The following PDZRN3 variants were observed in gnomAD, a reference collection of about 807,000 sequenced individuals.
The protein encoded by PDZRN3 is PDZ domain containing ring finger 3.
PDZRN3 carries 38 observed loss-of-function variants against 85.7 expected under a neutral mutation model. That is an observed-to-expected ratio of 0.44 (90% CI 0.34 to 0.58). The LOEUF is 0.58. PDZRN3 is among the 20% of genes least tolerant of loss of function. The probability of loss-of-function intolerance (pLI) is 0.01; values close to 1 mark genes in which losing one functional copy is unlikely to be tolerated. For missense variants in PDZRN3, 1,629 were observed against 1,506.4 expected (o/e 1.08, Z -1.35); for synonymous variants, 759 against 638.0 (o/e 1.19, Z -2.86).
In PDZRN3 at chr3:73,415,936, C is replaced by A. The variant is rs188269896; in HGVS notation, c.919-11541G>T. ...AACTATGGCTAATAATAGTGTGTCA[C>A]ATACTGGACATTTGCCAAGAGAGTA... On this transcript the variant is annotated intron_variant, in intron 3 of 9. Coordinates refer to ENST00000263666, the MANE Select transcript of PDZRN3 (RefSeq NM_015009.3). Among the ~76,000 whole-genome samples, 12 of 137,408 alleles carry A rather than the reference C, an allele frequency of 8.7e-5. No individual in the cohort carries two copies. In the Admixed American group the frequency reaches 9.3e-4, roughly 11 times the overall value. 90.1% of individuals were successfully genotyped at this position (137,408 alleles called of 152,430 possible). A position where few individuals can be genotyped will look rare whatever the true frequency, so the allele number is the denominator to read the frequency against.
At position 73,596,820 on chromosome 3, in the gene PDZRN3, T is replaced by C. The variant is rs374493991; in HGVS notation, c.918+5534A>G. ...TTTTATTTTGCTATAAAGGGCATCA[T>C]AGGGACCATTAGCAAGATCAGAATA... is the stretch of plus-strand genomic sequence containing the variant. On this transcript the variant is annotated intron_variant, in intron 3 of 9. Transcript: ENST00000263666. Among the ~76,000 whole-genome samples the C allele has an allele frequency of 2.0e-5, 3 of 152,310 alleles. No homozygotes were observed. In the East Asian group the frequency reaches 5.8e-4, roughly 29 times the overall value.
intron 3 of PDZRN3, among the ~76,000 whole-genome samples, chr3:73,600,069 TG>T (rs555495991): frequency 1.7e-3 from 263 of 152,286 alleles, no homozygotes; most frequent in African/African-American, 5.9e-3. Flanking sequence ...AGGGAGGAGC[TG>T]GGCTGGCACC....
intron 3 of PDZRN3, among the ~76,000 whole-genome samples, chr3:73,552,074 A>C (rs1239022992): frequency 3.3e-5 from 5 of 152,120 alleles, no homozygotes; most frequent in Admixed American, 1.3e-4. Flanking sequence ...TAGGGTCAGC[A>C]CTACAAAGCG....
chr3:73,578,046 T>C (rs1048903102), intron 3 of PDZRN3, among the ~76,000 whole-genome samples: 3 of 152,258 alleles, frequency 2.0e-5, no homozygotes, highest in African/African-American at 7.2e-5. Flanking sequence ...ATCTCTGTCC[T>C]ACACTCTTCT....
Position 73,624,661 on chromosome 3 carries a change from G to C in PDZRN3, c.165C>G (p.Arg55=). ...WVVQEGSCPA[R]CRGRLSAKEL... is the part of the protein sequence containing the mutation. ...CTTTGGCCGACAGGCGACCGCGGCA[G>C]CGCGCCGGGCAGCTGCCCTCCTGCA... Residue 55 remains arginine (R), a synonymous_variant, in exon 1 of 10, where the codon CGC becomes CGG. Coordinates refer to ENST00000263666, the MANE Select transcript of PDZRN3 (RefSeq NM_015009.3). The C allele has an allele frequency of 1.3e-6, 2 of 1,527,508 alleles. No individual in the cohort carries two copies. The highest frequency in any genetic ancestry group is 1.8e-6 in the Non-Finnish European group (2 of 1,142,038). The allele number at this position is 1,527,508 out of a possible 1,614,324, so 94.6% of individuals were successfully genotyped here.
At chr3:73,545,096 A>G (rs1205448986) in intron 3 of PDZRN3, among the ~76,000 whole-genome samples, 1 of 152,236 alleles carries the variant, frequency 6.6e-6, no homozygotes, top group Non-Finnish European at 1.5e-5. Flanking sequence ...TTTAGTAGCA[A>G]TAACAAAAAT....
At chr3:73,482,380 A>G (rs1703579917) in intron 3 of PDZRN3, among the ~76,000 whole-genome samples, 1 of 152,178 alleles carries the variant, frequency 6.6e-6, no homozygotes, top group South Asian at 2.1e-4. Flanking sequence ...AATCCACTGG[A>G]GAGTCTCAAC....
At chr3:73,430,052 C>A (rs997959865) in intron 3 of PDZRN3, among the ~76,000 whole-genome samples, 3 of 152,170 alleles carry the variant, frequency 2.0e-5, no homozygotes, top group African/African-American at 7.2e-5. Flanking sequence ...ATTGACAATG[C>A]TGGAAAATGA....
At chr3:73,584,131 G>GA (rs367580315) in intron 3 of PDZRN3, among the ~76,000 whole-genome samples, 130 of 128,272 alleles carry the variant, frequency 1.0e-3, no homozygotes, top group East Asian at 2.0e-3. Flanking sequence ...AATGAGGGGA[G>GA]AAAAAAAAAA....
intron 3 of PDZRN3, among the ~76,000 whole-genome samples, chr3:73,458,089 G>T (rs1703024557): frequency 6.6e-6 from 1 of 152,202 alleles, no homozygotes; most frequent in African/African-American, 2.4e-5. Context: ...GGGGAAAAAT[G>T]TGGTCTGTCC....
At chr3:73,501,331 C>A (rs993784343) in intron 3 of PDZRN3, among the ~76,000 whole-genome samples, 1 of 152,138 alleles carries the variant, frequency 6.6e-6, no homozygotes, top group Non-Finnish European at 1.5e-5. Flanking sequence ...GGAGGTGATG[C>A]CCTCCATTCA....
chr3:73,476,287 A>G (rs921340924), intron 3 of PDZRN3, among the ~76,000 whole-genome samples: 1 of 152,206 alleles, frequency 6.6e-6, no homozygotes, highest in African/African-American at 2.4e-5. Context: ...GTGAAGGGGA[A>G]GCTGGCACAT....
At chr3:73,452,003 C>G (rs111295170) in intron 3 of PDZRN3, among the ~76,000 whole-genome samples, 1 of 152,110 alleles carries the variant, frequency 6.6e-6, no homozygotes, top group Non-Finnish European at 1.5e-5. Context: ...CAAACAGAAT[C>G]GAATCTTTAC....
Position 73,595,600 on chromosome 3 carries a change from A to T in PDZRN3, c.918+6754T>A, listed in dbSNP as rs549640635. 2.6e-5 allele frequency among the ~76,000 whole-genome samples: 4 copies of T among 152,310 alleles called. No individual in the cohort carries two copies. In the South Asian group the frequency reaches 8.3e-4, roughly 32 times the overall value. On this transcript the variant is annotated intron_variant, in intron 3 of 9. Coordinates refer to ENST00000263666, the MANE Select transcript of PDZRN3 (RefSeq NM_015009.3). ...TGGTTTACAGCATATTTTTTCTCCA[A>T]AACCAAACCAAAAATTAAAACACTT...
At chr3:73,391,428 A>ATGTC (rs1460026329) in intron 5 of PDZRN3, among the ~76,000 whole-genome samples, 11 of 152,212 alleles carry the variant, frequency 7.2e-5, no homozygotes, top group African/African-American at 2.7e-4. Flanking sequence ...CACTTTTTCA[A>ATGTC]TGTCTGCCAC....
At chr3:73,389,171 A>G (rs1701465510) in intron 7 of PDZRN3, among the ~76,000 whole-genome samples, 1 of 152,014 alleles carries the variant, frequency 6.6e-6, no homozygotes, top group Non-Finnish European at 1.5e-5. Flanking sequence ...AAGAGGTAGA[A>G]AGCTAAGCCT....
chr3:73,383,172 T>C lies in PDZRN3; in HGVS notation c.*193A>G, dbSNP rs112226097. On this transcript the variant is annotated 3_prime_UTR_variant, in exon 10 of 10. Coordinates refer to ENST00000263666, the MANE Select transcript of PDZRN3 (RefSeq NM_015009.3). ...TGTTTGTTAATATTGCCTTCCAAGA[T>C]AGTAAGGGTGTTTTTCTCTCTCTTC... 1.6e-3 allele frequency: 844 copies of C among 531,530 alleles called. 8 individuals carry two copies. The highest frequency in any genetic ancestry group is 0.014 in the African/African-American group (756 of 52,670). The allele number at this position is 531,530 out of a possible 1,614,324, so 32.9% of individuals were successfully genotyped here.
At chr3:73,546,592 C>T (rs1575726743) in intron 3 of PDZRN3, among the ~76,000 whole-genome samples, 1 of 152,310 alleles carries the variant, frequency 6.6e-6, no homozygotes, top group Middle Eastern at 3.4e-3. Flanking sequence ...TCAGGTGAAG[C>T]TCAGATTTCA....
Position 73,384,391 on chromosome 3 carries a change from G to C in PDZRN3, c.2175C>G (p.Gly725=), listed in dbSNP as rs1266435516. Residue 725 remains glycine (G), a synonymous_variant, in exon 10 of 10, where the codon GGC becomes GGG. Coordinates refer to ENST00000263666, the MANE Select transcript of PDZRN3 (RefSeq NM_015009.3). The part of the protein sequence containing the change: ...YRESWMLHNS[G]FRNYNTSIDV... ...CGATGCTGGTGTTGTAGTTGCGGAA[G>C]CCGCTGTTGTGCAGCATCCAGGACT... 2 of 1,609,216 alleles carry C rather than the reference G, an allele frequency of 1.2e-6. No individual in the cohort carries two copies. The highest frequency in any genetic ancestry group is 2.7e-5 in the African/African-American group (2 of 74,940).
Sources: gnomAD v4.1 joint callset for allele counts (sites outside exome capture counted in the v4.1 genomes callset) on GRCh38, gnomAD v4.1.1 for gene constraint, MANE v1.5 for transcripts, NCBI Gene and HGNC (gene_info 2026-07-23, HGNC 2026-07-21) for gene names.